The following OPCML variants were observed in gnomAD, a reference collection of about 807,000 sequenced individuals.
The protein encoded by OPCML is opioid-binding protein/cell adhesion molecule.
A neutral mutation model predicts 37.8 loss-of-function variants in OPCML; 13 were observed. That is an observed-to-expected ratio of 0.34 (90% CI 0.22 to 0.55). The LOEUF is 0.55. OPCML is among the 20% of genes least tolerant of loss of function. The pLI is 0.91. For synonymous variants in OPCML, 176 were observed against 168.8 expected (o/e 1.04, Z -0.33); for missense variants, 341 against 435.6 (o/e 0.78, Z 1.93).
intron 1 of OPCML, among the ~76,000 whole-genome samples, chr11:132,984,899 T>C (rs551604851): frequency 6.6e-6 from 1 of 152,332 alleles, no homozygotes; most frequent in Middle Eastern, 3.4e-3. Flanking sequence ...GGTGTATCCA[T>C]GATTAACAAA....
At chr11:132,868,616 A>G (rs578122365) in intron 2 of OPCML, among the ~76,000 whole-genome samples, 1 of 152,246 alleles carries the variant, frequency 6.6e-6, no homozygotes, top group African/African-American at 2.4e-5. Flanking sequence ...GGAAGAACAC[A>G]GTTGCACCAA....
intron 3 of OPCML, among the ~76,000 whole-genome samples, chr11:132,595,665 A>G (rs2096491345): frequency 6.6e-6 from 1 of 152,206 alleles, no homozygotes; most frequent in East Asian, 1.9e-4. Context: ...CTGTGCATCC[A>G]GAACAAAATA....
chr11:132,852,622 G>GAA (rs923604492), intron 2 of OPCML, among the ~76,000 whole-genome samples: 2 of 150,154 alleles, frequency 1.3e-5, no homozygotes, highest in African/African-American at 5.0e-5. Context: ...AAAAAAAAAA[G>GAA]AGAGAGAGAA....
intron 1 of OPCML, among the ~76,000 whole-genome samples, chr11:133,076,129 G>GT (rs927383590): frequency 1.4e-4 from 21 of 151,002 alleles, no homozygotes; most frequent in African/African-American, 4.1e-4. Flanking sequence ...ACACTTTTTT[G>GT]TTTTTTTCAT....
chr11:133,177,258 C>A lies in OPCML; in HGVS notation c.62-234248G>T, dbSNP rs1057408772. Reference sequence around the variant, plus strand: ...GATCCAAGCAGGGGCTAGATGCAGACCTATCAGAGATCTGAAAGAAGTGGG... The same window carrying A: ...GATCCAAGCAGGGGCTAGATGCAGAACTATCAGAGATCTGAAAGAAGTGGG... On this transcript the variant is annotated intron_variant, in intron 1 of 7. Coordinates refer to ENST00000524381, the MANE Select transcript of OPCML (RefSeq NM_001012393.5). The surrounding 1 kb of genome is among the most constrained non-coding windows in gnomAD (Gnocchi z 5.0). Among the ~76,000 whole-genome samples, 1 of 152,148 alleles carries A rather than the reference C, an allele frequency of 6.6e-6. No homozygotes were observed. The highest frequency in any genetic ancestry group is 1.5e-5 in the Non-Finnish European group (1 of 68,032).
intron 3 of OPCML, among the ~76,000 whole-genome samples, chr11:132,649,469 T>G (rs1941320115): frequency 6.6e-6 from 1 of 151,890 alleles, no homozygotes; most frequent in Non-Finnish European, 1.5e-5. Flanking sequence ...GTGGGGTGAG[T>G]GTGGCCTTGC....
chr11:133,226,329 G>T (rs1940033384), intron 1 of OPCML, among the ~76,000 whole-genome samples: 1 of 152,196 alleles, frequency 6.6e-6, no homozygotes, highest in Admixed American at 6.5e-5. Flanking sequence ...AAAATGCCGT[G>T]ATTCGTATTT....
intron 1 of OPCML, among the ~76,000 whole-genome samples, chr11:133,443,352 C>A (rs1378301883): frequency 2.0e-5 from 3 of 152,220 alleles, no homozygotes; most frequent in Non-Finnish European, 4.4e-5. Flanking sequence ...GATCTGCTGG[C>A]GATTCAGCCT....
At chr11:133,102,263 T>C (rs1235627246) in intron 1 of OPCML, among the ~76,000 whole-genome samples, 1 of 152,156 alleles carries the variant, frequency 6.6e-6, no homozygotes, top group Non-Finnish European at 1.5e-5. Flanking sequence ...GTGTGAGATG[T>C]TGACAATGAG....
rs142192628 is a variant in OPCML at position 133,509,912 on chromosome 11, G to A, written c.61+22352C>T. On this transcript the variant is annotated intron_variant, in intron 1 of 7. Coordinates refer to ENST00000524381, the MANE Select transcript of OPCML (RefSeq NM_001012393.5). ...GGGTGTCTCTTCTTAAAGGCTTTGG[G>A]GGTCCTACCTCATGCCCACATCCAC... Among the ~76,000 whole-genome samples the A allele has an allele frequency of 1.7e-3, 258 of 152,212 alleles. 1 individual carries two copies. Among genetic ancestry groups the A allele is most frequent in the African/African-American group, 5.5e-3 (230 of 41,516 alleles).
At chr11:132,938,878 T>G (rs1945481480) in intron 2 of OPCML, among the ~76,000 whole-genome samples, 1 of 152,190 alleles carries the variant, frequency 6.6e-6, no homozygotes, top group Non-Finnish European at 1.5e-5. Context: ...TTAGAAATAC[T>G]GGAAAAGATG....
intron 2 of OPCML, among the ~76,000 whole-genome samples, chr11:132,781,866 A>G (rs1947032257): frequency 6.7e-6 from 1 of 150,288 alleles, no homozygotes; most frequent in Non-Finnish European, 1.5e-5. Flanking sequence ...CATACAACTA[A>G]AGTATCCAAT....
At chr11:133,354,279 A>ATGGTG (rs1565588718) in intron 1 of OPCML, among the ~76,000 whole-genome samples, 6 of 19,688 alleles carry the variant, frequency 3.0e-4, no homozygotes, top group African/African-American at 8.3e-4. Flanking sequence ...TGGTGGTGAT[A>ATGGTG]GTGATGGTGG....
chr11:132,697,738 G>T (rs1165606817), intron 2 of OPCML, among the ~76,000 whole-genome samples: 3 of 151,968 alleles, frequency 2.0e-5, no homozygotes, highest in Non-Finnish European at 2.9e-5. Context: ...ACATGGCAGT[G>T]CATATATCTC....
chr11:133,004,765 A>G (rs1343269480), intron 1 of OPCML: 3 of 985,174 alleles, frequency 3.0e-6, no homozygotes. Flanking sequence ...ACGCTGGCTC[A>G]GAAGCGAGAT....
chr11:132,564,226 A>G (rs1354735624), intron 3 of OPCML, among the ~76,000 whole-genome samples: 1 of 152,236 alleles, frequency 6.6e-6, no homozygotes, highest in African/African-American at 2.4e-5. Flanking sequence ...AAGAGCCAAG[A>G]TACTCTCCCT....
chr11:132,514,066 A>G (rs1333079904), intron 4 of OPCML, among the ~76,000 whole-genome samples: 1 of 152,156 alleles, frequency 6.6e-6, no homozygotes, highest in Non-Finnish European at 1.5e-5. Context: ...CTTCTGTGTA[A>G]AGTGTGTATG....
chr11:132,802,582 A>G (rs1209955822), intron 2 of OPCML, among the ~76,000 whole-genome samples: 1 of 151,824 alleles, frequency 6.6e-6, no homozygotes, highest in African/African-American at 2.4e-5. Flanking sequence ...TGAACTACAA[A>G]TTCTGAACAT....
intron 3 of OPCML, among the ~76,000 whole-genome samples, chr11:132,612,329 G>A (rs1375041972): frequency 6.6e-6 from 1 of 152,180 alleles, no homozygotes; most frequent in African/African-American, 2.4e-5. Context: ...TGAAGCATAA[G>A]TTTGTAATAT....
Sources: gnomAD v4.1 joint callset for allele counts (sites outside exome capture counted in the v4.1 genomes callset) on GRCh38, gnomAD v4.1.1 for gene constraint, Gnocchi (gnomAD v3.1) non-coding constraint, MANE v1.5 for transcripts, NCBI Gene and HGNC (gene_info 2026-07-23, HGNC 2026-07-21) for gene names.